BRAF: variants seen among roughly 807,000 people sequenced by gnomAD.
The protein encoded by BRAF is serine/threonine-protein kinase B-raf.
Under a neutral mutation model 104.6 loss-of-function variants are expected in BRAF, and 16 were observed. The observed-to-expected ratio is 0.15, with a 90% CI of 0.10 to 0.23. The LOEUF is 0.23. BRAF is among the 10% of genes least tolerant of loss of function. The probability of loss-of-function intolerance (pLI) is 1.00; values close to 1 mark genes in which losing one functional copy is unlikely to be tolerated. For synonymous variants in BRAF, 310 were observed against 341.6 expected (o/e 0.91, Z 1.02); for missense variants, 541 against 937.3 (o/e 0.58, Z 5.52).
chr7:140,912,767 C>T lies in BRAF; in HGVS notation c.138+11799G>A, dbSNP rs1299360227. 3.9e-5 allele frequency among the ~76,000 whole-genome samples: 6 copies of T among 152,306 alleles called. No homozygotes were observed. The East Asian group carries it at 7.7e-4, about 20-fold the overall frequency. ...TTCACCATGTTGGTCAGGCTGGTCTCGAACTCCTCACCTCGGGTGATCTGC... is the reference window on the plus strand; with the variant it reads ...TTCACCATGTTGGTCAGGCTGGTCTTGAACTCCTCACCTCGGGTGATCTGC... On this transcript the variant is annotated intron_variant, in intron 1 of 19. Coordinates refer to ENST00000644969, the MANE Select transcript of BRAF (RefSeq NM_001374258.1).
intron 1 of BRAF, among the ~76,000 whole-genome samples, chr7:140,909,360 G>A (rs1816705976): frequency 6.6e-6 from 1 of 152,144 alleles, no homozygotes; most frequent in African/African-American, 2.4e-5. Flanking sequence ...GGGAGGCGAA[G>A]GTTTTGGTGA....
intron 1 of BRAF, among the ~76,000 whole-genome samples, chr7:140,910,906 C>T (rs912914779): frequency 4.6e-5 from 7 of 152,150 alleles, no homozygotes; most frequent in Non-Finnish European, 8.8e-5. Flanking sequence ...TTCAAGCAGT[C>T]GTCCCGCCTC....
At position 140,747,543 on chromosome 7, in the gene BRAF, G is replaced by A. The variant is rs538569503; in HGVS notation, c.2112+1744C>T. 8.8e-6 allele frequency: 4 copies of A among 455,334 alleles called. No individual in the cohort carries two copies. The East Asian group carries it at 2.4e-4, about 28-fold the overall frequency. The allele number at this position is 455,334 out of a possible 1,614,324, so 28.2% of individuals were successfully genotyped here. ...GTTTCTATATTATAATTTTATTATT[G>A]TACTAAGATAAACGTATTCACTGAC... On this transcript the variant is annotated intron_variant, in intron 17 of 19. Transcript: ENST00000644969.
intron 14 of BRAF, among the ~76,000 whole-genome samples, chr7:140,772,627 CAAA>C (rs1467892895): frequency 1.3e-5 from 2 of 151,528 alleles, no homozygotes; most frequent in African/African-American, 4.9e-5. Flanking sequence ...GACTCTGTCT[CAAA>C]ATTTAAAAAA....
Position 140,719,814 on chromosome 7 carries a change from GGCACGCCCCA to G in BRAF, c.*6670_*6679del. ...TTAAAAAGTCCCCATCTTTTCACTG[GGCACGCCCCA>G]GACTCCACGAGAACCTTTTCAATGC... On this transcript the variant is annotated 3_prime_UTR_variant, in exon 20 of 20. Coordinates refer to ENST00000644969, the MANE Select transcript of BRAF (RefSeq NM_001374258.1). The G allele has an allele frequency of 9.4e-7, 1 of 1,063,060 alleles. No individual in the cohort carries two copies. The highest frequency in any genetic ancestry group is 1.1e-6 in the Non-Finnish European group (1 of 877,932). 65.9% of individuals were successfully genotyped at this position (1,063,060 alleles called of 1,614,324 possible). A position where few individuals can be genotyped will look rare whatever the true frequency, so the allele number is the denominator to read the frequency against.
rs547474360 is a variant in BRAF, at chr7:140,891,028, G to A, written c.138+33538C>T. Among the ~76,000 whole-genome samples the A allele has an allele frequency of 2.0e-5, 3 of 152,294 alleles. No homozygotes were observed. The South Asian group carries it at 6.2e-4, about 32-fold the overall frequency. ...ATATCATATACCAAGGATACAAAAT[G>A]TCTTTGCCCTCAAAGATTTGAACTC... On this transcript the variant is annotated intron_variant, in intron 1 of 19. Transcript: ENST00000644969.
intron 1 of BRAF, among the ~76,000 whole-genome samples, chr7:140,920,066 T>C (rs1340436398): frequency 6.6e-5 from 10 of 152,052 alleles, no homozygotes. Flanking sequence ...AGAAACAGAA[T>C]GAGTAAAGGA....
At chr7:140,716,152 T>C (rs574605352), downstream of BRAF, among the ~76,000 whole-genome samples, 1 of 152,340 alleles carries the variant, frequency 6.6e-6, no homozygotes, top group East Asian at 1.9e-4. Flanking sequence ...GAATGGCCAG[T>C]TGAGACCTCC....
intron 14 of BRAF, among the ~76,000 whole-genome samples, chr7:140,761,183 G>A (rs570978682): frequency 4.6e-4 from 70 of 152,232 alleles, no homozygotes; most frequent in African/African-American, 1.3e-3. Flanking sequence ...GACTAACAGC[G>A]GATCTCTCAG....
At chr7:140,916,203 T>C (rs1156551410) in intron 1 of BRAF, among the ~76,000 whole-genome samples, 2 of 152,230 alleles carry the variant, frequency 1.3e-5, no homozygotes, top group Non-Finnish European at 2.9e-5. Context: ...ATGAAAATCA[T>C]GATGAGAAAC....
intron 14 of BRAF, among the ~76,000 whole-genome samples, chr7:140,763,418 A>G (rs1798977158): frequency 6.7e-6 from 1 of 149,678 alleles, no homozygotes; most frequent in African/African-American, 2.5e-5. Flanking sequence ...GGCCGGGCAG[A>G]GGCGCCCCTC....
chr7:140,776,169 A>C (rs1800320948), intron 14 of BRAF, among the ~76,000 whole-genome samples: 1 of 152,186 alleles, frequency 6.6e-6, no homozygotes, highest in South Asian at 2.1e-4. Context: ...TAAATGACAT[A>C]ATAATCTATG....
chr7:140,713,380 C>T, the BRAF span, among the ~76,000 whole-genome samples: 4 of 152,134 alleles, frequency 2.6e-5, no homozygotes, highest in African/African-American at 7.2e-5. Context: ...ATCACTGATA[C>T]CCTTTCTTCT....
At chr7:140,840,557 A>C (rs1032589204) in intron 2 of BRAF, among the ~76,000 whole-genome samples, 4 of 151,874 alleles carry the variant, frequency 2.6e-5, no homozygotes, top group Admixed American at 6.5e-5. Context: ...TTGGGAGGCC[A>C]AGGCGGGAGG....
At chr7:140,839,044 A>AT (rs543155660) in intron 2 of BRAF, among the ~76,000 whole-genome samples, 284 of 148,082 alleles carry the variant, frequency 1.9e-3, no homozygotes, top group Middle Eastern at 7.0e-3. Context: ...CAGTCAATTG[A>AT]TTTTTTTTTT....
intron 14 of BRAF, among the ~76,000 whole-genome samples, chr7:140,763,486 G>A (rs1175618064): frequency 6.6e-6 from 1 of 152,230 alleles, no homozygotes; most frequent in African/African-American, 2.4e-5. Flanking sequence ...CTCCTTCCCG[G>A]ACGGGGCGGC....
chr7:140,892,312 A>T (rs1814328020), intron 1 of BRAF, among the ~76,000 whole-genome samples: 1 of 152,188 alleles, frequency 6.6e-6, no homozygotes, highest in Non-Finnish European at 1.5e-5. Context: ...CTTCTCAACC[A>T]TTACTATGCT....
At chr7:140,804,725 G>A (rs544746082) in intron 5 of BRAF, among the ~76,000 whole-genome samples, 1 of 152,116 alleles carries the variant, frequency 6.6e-6, no homozygotes, top group South Asian at 2.1e-4. Context: ...ACATGAATTA[G>A]AACTTCCTAA....
At chr7:140,770,771 T>C (rs1270811390) in intron 14 of BRAF, among the ~76,000 whole-genome samples, 3 of 151,756 alleles carry the variant, frequency 2.0e-5, no homozygotes, top group Admixed American at 2.0e-4. Context: ...ACCCGTTTAC[T>C]AAAAATACAA....
Sources: gnomAD v4.1 joint callset for allele counts (sites outside exome capture counted in the v4.1 genomes callset) on GRCh38, gnomAD v4.1.1 for gene constraint, MANE v1.5 for transcripts, NCBI Gene and HGNC (gene_info 2026-07-23, HGNC 2026-07-21) for gene names.